The following NXPE2 variants were observed in gnomAD, a reference collection of about 807,000 sequenced individuals.
The protein encoded by NXPE2 is NXPE family member 2.
In NXPE2, 34 loss-of-function variants were observed where a neutral mutation model predicts 34.4. The ratio of observed to expected loss-of-function variants is 0.99; its 90% CI spans 0.75 to 1.31. The LOEUF is 1.31. NXPE2 is among the 40% of genes most tolerant of loss of function. The probability of loss-of-function intolerance (pLI) is 0.00; values close to 1 mark genes in which losing one functional copy is unlikely to be tolerated. For synonymous variants in NXPE2, 235 were observed against 231.3 expected (o/e 1.02, Z -0.15); for missense variants, 649 against 672.5 (o/e 0.97, Z 0.39).
chr11:114,742,971 C>T, the NXPE2 span, among the ~76,000 whole-genome samples: 2 of 152,088 alleles, frequency 1.3e-5, no homozygotes, highest in Non-Finnish European at 2.9e-5. Context: ...TGAGTTTTGG[C>T]ACCTTTTGCT....
chr11:114,736,016 G>A, the NXPE2 span, among the ~76,000 whole-genome samples: 2 of 152,124 alleles, frequency 1.3e-5, no homozygotes, highest in Non-Finnish European at 2.9e-5. Flanking sequence ...GATGCCCCCT[G>A]AGCCATAAAA....
chr11:114,651,071 G>A, the NXPE2 span, among the ~76,000 whole-genome samples: 1 of 151,002 alleles, frequency 6.6e-6, no homozygotes, highest in African/African-American at 2.4e-5. Context: ...CTAGCATAAT[G>A]TATAATAATA....
At chr11:114,719,058 C>G in the NXPE2 span, among the ~76,000 whole-genome samples, 1 of 152,290 alleles carries the variant, frequency 6.6e-6, no homozygotes, top group East Asian at 1.9e-4. Context: ...AGAACACTTC[C>G]AGCTTCTCTC....
chr11:114,583,020 A>G, the NXPE2 span: 323 of 1,602,662 alleles, frequency 2.0e-4, 1 homozygote, highest in African/African-American at 3.8e-3. Context: ...AGCAGACCAA[A>G]CCTGAAATGA....
the NXPE2 span, chr11:114,571,087 A>G: frequency 6.2e-7 from 1 of 1,613,916 alleles, no homozygotes; most frequent in African/African-American, 1.3e-5. Flanking sequence ...ATGATGAGAT[A>G]TTGAATGTAA....
chr11:114,650,249 T>C, the NXPE2 span, among the ~76,000 whole-genome samples: 1 of 151,990 alleles, frequency 6.6e-6, no homozygotes, highest in Non-Finnish European at 1.5e-5. Flanking sequence ...GGAGAGAGCA[T>C]ATAAAAAGGA....
At chr11:114,484,044 T>A in the NXPE2 span, among the ~76,000 whole-genome samples, 1 of 152,098 alleles carries the variant, frequency 6.6e-6, no homozygotes, top group African/African-American at 2.4e-5. Flanking sequence ...TGAAAGATGG[T>A]TGCTCTTCCA....
At chr11:114,529,991 A>T in the NXPE2 span, 12 of 593,022 alleles carry the variant, frequency 2.0e-5, no homozygotes, top group Admixed American at 2.2e-4. Context: ...ACTGAATGGG[A>T]CAATATAGTG....
the NXPE2 span, among the ~76,000 whole-genome samples, chr11:114,472,360 ATACAC>A: frequency 1.3e-5 from 2 of 152,066 alleles, no homozygotes; most frequent in African/African-American, 4.8e-5. Flanking sequence ...CACACATAAA[ATACAC>A]TAACACTAAT....
chr11:114,624,670 C>T, the NXPE2 span, among the ~76,000 whole-genome samples: 1 of 151,924 alleles, frequency 6.6e-6, no homozygotes, highest in Non-Finnish European at 1.5e-5. Flanking sequence ...ACCATGGTTA[C>T]CTGGTGGAAA....
chr11:114,624,007 GATA>G, the NXPE2 span, among the ~76,000 whole-genome samples: 1 of 152,108 alleles, frequency 6.6e-6, no homozygotes, highest in Admixed American at 6.5e-5. Flanking sequence ...TTACCCGGTG[GATA>G]ATAAGTGTTG....
chr11:114,732,966 ACT>A, the NXPE2 span, among the ~76,000 whole-genome samples: 1 of 151,864 alleles, frequency 6.6e-6, no homozygotes, highest in African/African-American at 2.4e-5. Flanking sequence ...CCATTATAAC[ACT>A]CTGAGGCTAT....
chr11:114,602,008 T>C, the NXPE2 span, among the ~76,000 whole-genome samples: 1 of 90,558 alleles, frequency 1.1e-5, no homozygotes, highest in African/African-American at 4.6e-5. Flanking sequence ...TCTAATGTAT[T>C]ATATTATATA....
the NXPE2 span, chr11:114,582,588 A>T: frequency 6.2e-7 from 1 of 1,614,158 alleles, no homozygotes; most frequent in Admixed American, 1.7e-5. Context: ...CAGCAGAGAC[A>T]GAGAGACCTG....
the NXPE2 span, among the ~76,000 whole-genome samples, chr11:114,607,849 T>C: frequency 2.7e-5 from 4 of 150,202 alleles, no homozygotes; most frequent in Non-Finnish European, 4.4e-5. Flanking sequence ...AGTATTGCCT[T>C]GCAGGTAACC....
At chr11:114,541,592 G>A in the NXPE2 span, among the ~76,000 whole-genome samples, 1 of 152,130 alleles carries the variant, frequency 6.6e-6, no homozygotes, top group Admixed American at 6.5e-5. Context: ...ATACATTTTG[G>A]GGAGGCATGA....
the NXPE2 span, among the ~76,000 whole-genome samples, chr11:114,500,600 A>G: frequency 6.6e-6 from 1 of 152,118 alleles, no homozygotes; most frequent in African/African-American, 2.4e-5. Context: ...GAAGAATAGA[A>G]GATCTTAGTT....
the NXPE2 span, among the ~76,000 whole-genome samples, chr11:114,768,775 T>C: frequency 6.6e-6 from 1 of 152,186 alleles, no homozygotes; most frequent in Non-Finnish European, 1.5e-5. Context: ...GAGACTTTGC[T>C]GAAGTTGCTT....
chr11:114,535,450 A>G, the NXPE2 span, among the ~76,000 whole-genome samples: 3 of 152,226 alleles, frequency 2.0e-5, no homozygotes, highest in African/African-American at 4.8e-5. Flanking sequence ...ATAAATGTAA[A>G]TGCGCTAAAT....
Sources: allele counts gnomAD v4.1 joint callset (sites outside exome capture counted in the v4.1 genomes callset), GRCh38; gene constraint gnomAD v4.1.1; transcripts MANE v1.5; gene names NCBI Gene and HGNC (gene_info 2026-07-23, HGNC 2026-07-21).